The following VTI1A variants were observed in gnomAD, a reference collection of about 807,000 sequenced individuals.
VTI1A encodes vesicle transport through interaction with t-SNAREs 1A, also known as vesicle transport through interaction with t-SNAREs homolog 1A.
Under a neutral mutation model 34.9 loss-of-function variants are expected in VTI1A, and 22 were observed. That is an observed-to-expected ratio of 0.63 (90% CI 0.45 to 0.90). The LOEUF (loss-of-function observed/expected upper bound fraction) is 0.90, where lower values mean the gene tolerates loss of function less well. Ranked by LOEUF, VTI1A falls within the 40% of genes least tolerant of loss-of-function variation. The pLI is 0.00. For synonymous variants in VTI1A, 87 were observed against 97.3 expected, an observed-to-expected ratio of 0.89 and a Z score of 0.62; for missense variants, 268 against 275.6, an observed-to-expected ratio of 0.97 and a Z score of 0.20.
intron 7 of VTI1A, among the ~76,000 whole-genome samples, chr10:112,703,440 G>T (rs1590090274): frequency 6.6e-6 from 1 of 152,108 alleles, no homozygotes; most frequent in Non-Finnish European, 1.5e-5. Context: ...GGTGGCACAT[G>T]CTTGTAATCC....
At chr10:112,806,570 G>A (rs1237862118) in intron 7 of VTI1A, among the ~76,000 whole-genome samples, 1 of 151,608 alleles carries the variant, frequency 6.6e-6, no homozygotes, top group Non-Finnish European at 1.5e-5. Context: ...ACAGGCATGA[G>A]CCACCGTGCC....
At chr10:112,615,452 G>A (rs1454552402) in intron 5 of VTI1A, among the ~76,000 whole-genome samples, 2 of 152,170 alleles carry the variant, frequency 1.3e-5, no homozygotes, top group African/African-American at 4.8e-5. Flanking sequence ...TCACAACAAT[G>A]AAGTTGTTTA....
In VTI1A at chr10:112,496,095, C is replaced by T. The variant is rs549571558; in HGVS notation, c.265-30992C>T. ...TGACTTGGCCAGGTGCGATGGCTCA[C>T]GCCTGTAATCCCAGCACTTTGGGAG... On this transcript the variant is annotated intron_variant, in intron 3 of 7. Coordinates refer to ENST00000393077, the MANE Select transcript of VTI1A (RefSeq NM_145206.4). Among the ~76,000 whole-genome samples, 6 of 149,990 alleles carry T rather than the reference C, an allele frequency of 4.0e-5. No individual in the cohort carries two copies. The East Asian group carries it at 8.0e-4, about 20-fold the overall frequency.
chr10:112,497,949 TAAAATA>T (rs1027016592), intron 3 of VTI1A, among the ~76,000 whole-genome samples: 5 of 152,348 alleles, frequency 3.3e-5, no homozygotes, highest in African/African-American at 1.2e-4. Flanking sequence ...TTATAGTTCT[TAAAATA>T]AGAAATCATG....
At chr10:112,737,080 T>C in intron 7 of VTI1A, 2 of 349,304 alleles carry the variant, frequency 5.7e-6, no homozygotes, top group East Asian at 8.8e-5. Context: ...TTCTTTTTCT[T>C]TTTTTTTTTG....
chr10:112,752,545 C>T, intron 7 of VTI1A: 7 of 985,404 alleles, frequency 7.1e-6, no homozygotes, highest in Non-Finnish European at 8.4e-6. Flanking sequence ...GTATGATTCT[C>T]CTTCAGGGGG....
At chr10:112,824,893 A>G in the VTI1A span, 1 of 152,254 alleles carries the variant, frequency 6.6e-6, no homozygotes, top group African/African-American at 2.4e-5. Flanking sequence ...CCTTCCCAAC[A>G]AAGTAAGAGC....
chr10:112,846,456 G>A, the VTI1A span, among the ~76,000 whole-genome samples: 12 of 152,204 alleles, frequency 7.9e-5, no homozygotes, highest in African/African-American at 2.9e-4. Context: ...ATAGTGTATG[G>A]CAACTGAGCA....
intron 7 of VTI1A, among the ~76,000 whole-genome samples, chr10:112,780,316 AT>A (rs1852087187): frequency 8.8e-6 from 1 of 113,146 alleles, no homozygotes; most frequent in African/African-American, 2.9e-5. Flanking sequence ...AAATAAATAA[AT>A]AAATAAAATA....
intron 7 of VTI1A, among the ~76,000 whole-genome samples, chr10:112,707,759 A>G (rs1331695296): frequency 6.6e-6 from 1 of 152,198 alleles, no homozygotes; most frequent in Non-Finnish European, 1.5e-5. Flanking sequence ...CTTACTTTGC[A>G]TAAAAATTTT....
At chr10:112,483,141 C>T (rs903856009) in intron 3 of VTI1A, among the ~76,000 whole-genome samples, 25 of 152,102 alleles carry the variant, frequency 1.6e-4, no homozygotes, top group Non-Finnish European at 2.9e-4. Flanking sequence ...AACGATCTGC[C>T]TACTCCTGCT....
chr10:112,589,350 C>G (rs1227332500), intron 5 of VTI1A, among the ~76,000 whole-genome samples: 2 of 152,034 alleles, frequency 1.3e-5, no homozygotes, highest in Admixed American at 1.3e-4. Flanking sequence ...AAGGGAAACC[C>G]GTTTCACTTG....
intron 5 of VTI1A, among the ~76,000 whole-genome samples, chr10:112,594,412 C>T (rs1844536462): frequency 6.6e-6 from 1 of 151,924 alleles, no homozygotes; most frequent in Non-Finnish European, 1.5e-5. Context: ...TCTAGAAAAC[C>T]CCATTGTCTC....
intron 3 of VTI1A, among the ~76,000 whole-genome samples, chr10:112,479,173 AAAAC>A (rs1178832188): frequency 1.3e-5 from 2 of 152,316 alleles, no homozygotes; most frequent in African/African-American, 2.4e-5. Context: ...CTCAAAAACA[AAAAC>A]AAACAAACAA....
At chr10:112,568,870 C>T (rs933636987) in intron 5 of VTI1A, among the ~76,000 whole-genome samples, 6 of 152,086 alleles carry the variant, frequency 3.9e-5, no homozygotes, top group African/African-American at 1.2e-4. Flanking sequence ...AAAGGTGAAA[C>T]TCAGCTGGGC....
At chr10:112,776,785 C>T (rs1430973253) in intron 7 of VTI1A, among the ~76,000 whole-genome samples, 5 of 148,774 alleles carry the variant, frequency 3.4e-5, no homozygotes, top group African/African-American at 1.2e-4. Flanking sequence ...TCAAGGAATT[C>T]TCCTGCCTCA....
At chr10:112,538,398 C>A in intron 5 of VTI1A, 68 bp downstream of exon 5, 1 of 1,448,992 alleles carries the variant, frequency 6.9e-7, no homozygotes, top group Non-Finnish European at 9.7e-7. Context: ...CATGACATTT[C>A]AGGGAAACTT....
intron 5 of VTI1A, among the ~76,000 whole-genome samples, chr10:112,566,216 TTAC>T (rs1434417159): frequency 1.3e-5 from 2 of 152,148 alleles, no homozygotes; most frequent in Non-Finnish European, 2.9e-5. Flanking sequence ...GTTATTATTA[TTAC>T]ACACTGCATT....
intron 7 of VTI1A, among the ~76,000 whole-genome samples, chr10:112,678,684 A>G (rs1407331582): frequency 6.6e-6 from 1 of 152,218 alleles, no homozygotes; most frequent in African/African-American, 2.4e-5. Context: ...CAATTTTAAA[A>G]GGCTGGCTGT....
Sources: allele counts gnomAD v4.1 joint callset (sites outside exome capture counted in the v4.1 genomes callset), GRCh38; gene constraint gnomAD v4.1.1; transcripts MANE v1.5; gene names NCBI Gene and HGNC (gene_info 2026-07-23, HGNC 2026-07-21).